Variants in FAM199X observed in about 807,000 individuals in gnomAD.
FAM199X encodes the protein family with sequence similarity 199, X-linked, also known as protein FAM199X.
A neutral mutation model predicts 22.9 loss-of-function variants in FAM199X; 4 were observed. The observed-to-expected ratio is 0.17, with a 90% confidence interval of 0.09 to 0.40. The LOEUF is 0.40. Ranked by LOEUF, FAM199X falls within the 10% of genes least tolerant of loss-of-function variation. FAM199X has a pLI of 1.00. For missense variants in FAM199X, 183 were observed against 306.8 expected (o/e 0.60, Z 3.01); for synonymous variants, 101 against 112.3 (o/e 0.90, Z 0.64).
intron 2 of FAM199X, among the ~76,000 whole-genome samples, chrX:104,184,057 C>T (rs1921732882): frequency 1.8e-5 from 2 of 112,201 alleles, no homozygotes; most frequent in African/African-American, 6.5e-5. Context: ...AGCTTCAGCC[C>T]ACTGCTAGAT....
At chrX:104,179,756 G>A (rs1286900889) in intron 2 of FAM199X, among the ~76,000 whole-genome samples, 3 of 110,570 alleles carry the variant, frequency 2.7e-5, no homozygotes, top group Non-Finnish European at 5.7e-5. Context: ...TCTCGATGTG[G>A]TTTTTTAGTA....
At chrX:104,182,510 G>A (rs1171541668) in intron 2 of FAM199X, among the ~76,000 whole-genome samples, 1 of 110,641 alleles carries the variant, frequency 9.0e-6, no homozygotes, top group African/African-American at 3.3e-5. Flanking sequence ...ATCATATGAC[G>A]GTTTCTGGTT....
intron 1 of FAM199X, among the ~76,000 whole-genome samples, chrX:104,173,747 T>C (rs1051252865): frequency 9.0e-6 from 1 of 111,329 alleles, no homozygotes; most frequent in Non-Finnish European, 1.9e-5. Flanking sequence ...AGTATAAAAC[T>C]AGTGGAAATT....
At chrX:104,176,762 A>G (rs989654886) in intron 2 of FAM199X, among the ~76,000 whole-genome samples, 18 of 111,877 alleles carry the variant, frequency 1.6e-4, no homozygotes, top group Non-Finnish European at 3.8e-5. Flanking sequence ...GCTTTTTTTC[A>G]GCTAACACAT....
At chrX:104,159,875 G>A in the FAM199X span, among the ~76,000 whole-genome samples, 3 of 112,206 alleles carry the variant, frequency 2.7e-5, no homozygotes, top group African/African-American at 9.7e-5. Context: ...GAGAGTACAA[G>A]GGTACCTTGC....
chrX:104,175,870 T>C, intron 2 of FAM199X, 28 bp downstream of exon 2: 1 of 1,045,006 alleles, frequency 9.6e-7, no homozygotes. Context: ...TTTCTTGACA[T>C]TGTTACTACC....
At position 104,190,820 on chromosome X, in the gene FAM199X, G is replaced by A. The variant is rs1921919202; in HGVS notation, c.*1042G>A. 9.0e-6 allele frequency: 1 copy of A among 110,710 alleles called. No homozygotes were observed. Among genetic ancestry groups the A allele is most frequent in the African/African-American group, 3.3e-5 (1 of 30,460 alleles). 9.1% of individuals were successfully genotyped at this position (110,710 alleles called of 1,213,427 possible). On this transcript the variant is annotated 3_prime_UTR_variant, in exon 6 of 6. Coordinates refer to ENST00000493442, the MANE Select transcript of FAM199X (RefSeq NM_207318.4). Reference sequence around the variant, plus strand: ...GATCTGCTAAACTTCTCTATAAATTGCTAGAAATATACAGAGCAATGAGAT... The same window carrying A: ...GATCTGCTAAACTTCTCTATAAATTACTAGAAATATACAGAGCAATGAGAT...
chrX:104,182,038 AG>A (rs113662763), intron 2 of FAM199X, among the ~76,000 whole-genome samples: 3,682 of 94,448 alleles, frequency 0.039, 170 homozygotes, highest in African/African-American at 0.14. Context: ...TCCACGCTGG[AG>A]GTGCAGTGGT....
intron 4 of FAM199X, 129 bp from the exon 5 acceptor site, chrX:104,187,911 A>C (rs1179737057): frequency 5.2e-6 from 4 of 774,008 alleles, no homozygotes; most frequent in Non-Finnish European, 7.5e-6. Context: ...TTTCTATTCT[A>C]CCTTACGTAT....
chrX:104,179,532 AT>A (rs1354023932), intron 2 of FAM199X, among the ~76,000 whole-genome samples: 2 of 111,715 alleles, frequency 1.8e-5, no homozygotes, highest in Non-Finnish European at 3.8e-5. Context: ...AGATTTAATA[AT>A]TTTTTCCCAT....
intron 1 of FAM199X, among the ~76,000 whole-genome samples, chrX:104,171,499 T>A (rs1738883339): frequency 8.9e-6 from 1 of 112,049 alleles, no homozygotes; most frequent in Admixed American, 9.5e-5. Context: ...CATTACAAGT[T>A]TGAAACTGAC....
Position 104,175,910 on chromosome X carries a change from A to G in FAM199X, c.417+68A>G, listed in dbSNP as rs782489362. On this transcript the variant is annotated intron_variant, in intron 2 of 5. Transcript: ENST00000493442. Reference sequence around the variant, plus strand: ...TAGAAGTATAAACTTTTCTTTTGATATTTTCATCTCTACTTCAAAGTAAAT... The same window carrying G: ...TAGAAGTATAAACTTTTCTTTTGATGTTTTCATCTCTACTTCAAAGTAAAT... The G allele has an allele frequency of 7.2e-5, 54 of 751,695 alleles. No homozygotes were observed. The South Asian group carries it at 1.4e-3, about 19-fold the overall frequency. 61.9% of individuals were successfully genotyped at this position (751,695 alleles called of 1,213,427 possible). A position where few individuals can be genotyped will look rare whatever the true frequency, so the allele number is the denominator to read the frequency against.
intron 2 of FAM199X, among the ~76,000 whole-genome samples, chrX:104,180,244 G>A (rs1300431035): frequency 9.5e-6 from 1 of 104,920 alleles, no homozygotes; most frequent in African/African-American, 3.5e-5. Flanking sequence ...GCCTCCCAAT[G>A]TGGTGGGAAT....
At chrX:104,183,245 G>GT (rs782344592) in intron 2 of FAM199X, among the ~76,000 whole-genome samples, 226 of 109,533 alleles carry the variant, frequency 2.1e-3, no homozygotes, top group Non-Finnish European at 2.5e-3. Flanking sequence ...CTGATAAGAA[G>GT]TATCTCTTTT....
chrX:104,192,012 G>A lies in FAM199X; in HGVS notation c.*2234G>A, dbSNP rs190901024. 1.8e-4 allele frequency: 20 copies of A among 111,673 alleles called. No individual in the cohort carries two copies. The highest frequency in any genetic ancestry group is 3.2e-4 in the Non-Finnish European group (17 of 52,997). 9.2% of individuals were successfully genotyped at this position (111,673 alleles called of 1,213,427 possible). A position where few individuals can be genotyped will look rare whatever the true frequency, so the allele number is the denominator to read the frequency against. On this transcript the variant is annotated 3_prime_UTR_variant, in exon 6 of 6. Transcript: ENST00000493442. ...ATTATAGTACTATAAATTAGAGATA[G>A]TCCATAAAGTTGGGTTGAAGGAGAT...
At chrX:104,167,557 T>G (rs1921244727) in intron 1 of FAM199X, among the ~76,000 whole-genome samples, 1 of 110,043 alleles carries the variant, frequency 9.1e-6, no homozygotes, top group African/African-American at 3.3e-5. Flanking sequence ...GTCGATTCTC[T>G]CTTTTTTTCC....
At chrX:104,177,174 A>G (rs782326047) in intron 2 of FAM199X, among the ~76,000 whole-genome samples, 41 of 111,148 alleles carry the variant, frequency 3.7e-4, no homozygotes, top group Non-Finnish European at 6.8e-4. Flanking sequence ...TAATTTCTCT[A>G]TGGATTTGCT....
rs1327096103 is a variant in FAM199X, at chrX:104,188,102, A to G, written c.792A>G (p.Arg264=). Residue 264 remains arginine, a synonymous_variant, in exon 5 of 6, where the codon AGA becomes AGG. Coordinates refer to ENST00000493442, the MANE Select transcript of FAM199X (RefSeq NM_207318.4). ...GGCCTGCAAGAGAGGCCTGGAAGAG[A>G]AGCAACTTTAGTTGTGCAAGCACCA... ...RQRPAREAWK[R]SNFSCASTSG... The G allele has an allele frequency of 2.5e-6, 3 of 1,211,767 alleles. No homozygotes were observed. The highest frequency in any genetic ancestry group is 3.4e-6 in the Non-Finnish European group (3 of 895,523).
At chrX:104,187,096 T>A (rs372988816) in intron 4 of FAM199X, among the ~76,000 whole-genome samples, 1 of 106,107 alleles carries the variant, frequency 9.4e-6, no homozygotes, top group East Asian at 2.9e-4. Flanking sequence ...TGGTATCATC[T>A]TCTTTTTTTT....
Sources: allele counts gnomAD v4.1 joint callset (sites outside exome capture counted in the v4.1 genomes callset), GRCh38; gene constraint gnomAD v4.1.1; transcripts MANE v1.5; gene names NCBI Gene and HGNC (gene_info 2026-07-23, HGNC 2026-07-21).